The following CPD variants were observed in gnomAD, a reference collection of about 807,000 sequenced individuals.
CPD encodes the protein carboxypeptidase D.
In CPD, 69 loss-of-function variants were observed where a neutral mutation model predicts 138.3. The ratio of observed to expected loss-of-function variants is 0.50; its 90% CI spans 0.41 to 0.61. The LOEUF is 0.61. Among genes scored for constraint, CPD ranks in the 20% least tolerant of loss-of-function variants. The pLI is 0.00. For synonymous variants in CPD, 651 were observed against 642.1 expected (o/e 1.01, Z -0.21); for missense variants, 1,432 against 1,733.3 (o/e 0.83, Z 3.09).
intron 14 of CPD, among the ~76,000 whole-genome samples, chr17:30,452,096 T>C (rs1011938257): frequency 6.6e-5 from 10 of 152,252 alleles, no homozygotes; most frequent in Non-Finnish European, 1.2e-4. Context: ...TCACTAGTTG[T>C]GTAGAGATGT....
At chr17:30,411,960 A>G (rs2143386952) in intron 2 of CPD, among the ~76,000 whole-genome samples, 1 of 152,248 alleles carries the variant, frequency 6.6e-6, no homozygotes, top group Non-Finnish European at 1.5e-5. Flanking sequence ...TGGAATTTTC[A>G]GCTTTTCAGC....
intron 7 of CPD, among the ~76,000 whole-genome samples, chr17:30,430,294 C>T (rs1912528407): frequency 6.6e-6 from 1 of 152,076 alleles, no homozygotes; most frequent in Non-Finnish European, 1.5e-5. Flanking sequence ...CTCCCCTTTC[C>T]CTTCTCCCCT....
chr17:30,406,198 G>A (rs924872106), intron 2 of CPD, among the ~76,000 whole-genome samples: 2 of 151,918 alleles, frequency 1.3e-5, no homozygotes, highest in African/African-American at 4.8e-5. Context: ...GGGACTGTAT[G>A]TCAGGATTCA....
intron 2 of CPD, among the ~76,000 whole-genome samples, chr17:30,394,990 G>A (rs1459107939): frequency 1.3e-5 from 2 of 151,982 alleles, no homozygotes; most frequent in South Asian, 2.1e-4. Context: ...CTAGTCACAA[G>A]TACCCAATGG....
At chr17:30,444,047 C>T (rs1027229076) in intron 11 of CPD, 76 bp downstream of exon 11, 21 of 1,477,868 alleles carry the variant, frequency 1.4e-5, no homozygotes, top group African/African-American at 4.2e-5. Context: ...ATTACTAGAA[C>T]GTTCTAGAGA....
chr17:30,416,868 T>G (rs1211836780), intron 2 of CPD, among the ~76,000 whole-genome samples: 1 of 152,030 alleles, frequency 6.6e-6, no homozygotes, highest in African/African-American at 2.4e-5. Flanking sequence ...TTTGGGAGGC[T>G]GAGGCGGGTG....
At chr17:30,449,172 A>G (rs1913103124) in intron 12 of CPD, among the ~76,000 whole-genome samples, 1 of 152,130 alleles carries the variant, frequency 6.6e-6, no homozygotes. Flanking sequence ...ATCTATGTTC[A>G]TACATACTTA....
intron 12 of CPD, among the ~76,000 whole-genome samples, chr17:30,448,023 T>C (rs1327927253): frequency 6.6e-6 from 1 of 152,218 alleles, no homozygotes; most frequent in African/African-American, 2.4e-5. Flanking sequence ...TTTAATTTCA[T>C]CAGAAAACTT....
Position 30,421,650 on chromosome 17 carries a change from T to C in CPD, c.1138-14T>C, listed in dbSNP as rs775394582. On this transcript the variant is annotated splice_polypyrimidine_tract_variant and intron_variant, in intron 3 of 20. Transcript: ENST00000225719. ...AAATTCACCGTCTCTGAGCTTGGAT[T>C]CTTGTCTTCTTAGGTTCACATTGGA... The C allele has an allele frequency of 2.9e-5, 47 of 1,612,746 alleles. No homozygotes were observed. Among genetic ancestry groups the C allele is most frequent in the Non-Finnish European group, 3.9e-5 (46 of 1,179,352 alleles).
intron 10 of CPD, among the ~76,000 whole-genome samples, chr17:30,442,905 A>G (rs886747190): frequency 6.6e-5 from 10 of 152,130 alleles, no homozygotes; most frequent in African/African-American, 2.4e-4. Flanking sequence ...TAAAGATTAT[A>G]AGAAATATAC....
intron 2 of CPD, among the ~76,000 whole-genome samples, chr17:30,396,349 C>CT (rs1482713229): frequency 2.6e-5 from 4 of 151,718 alleles, no homozygotes; most frequent in Admixed American, 2.6e-4. Flanking sequence ...CAGTTTGACA[C>CT]TTTATAGTTG....
Position 30,422,874 on chromosome 17 carries a change from A to G in CPD, c.1508A>G (p.His503Arg). The G allele has an allele frequency of 6.2e-7, 1 of 1,614,070 alleles. No individual in the cohort carries two copies. Among genetic ancestry groups the G allele is most frequent in the East Asian group, 2.2e-5 (1 of 44,870 alleles). Reference sequence around the variant, plus strand: ...CCAATTCAGCCAAAGGACTTTCACCACCACCATTTCCCTGATATGGAAATC... The same window carrying G: ...CCAATTCAGCCAAAGGACTTTCACCGCCACCATTTCCCTGATATGGAAATC... ...YQPIQPKDFH[H>R]HHFPDMEIFL... The change falls in exon 5 of 21, where the codon CAC (histidine) becomes CGC (arginine). Residue 503 changes from histidine (H) to arginine (R), a missense_variant. His to Arg is a conservative substitution (Grantham distance 29). This residue lies in a region of CPD where 160 missense variants were observed against 197.9 expected (regional missense o/e 0.81). Transcript: ENST00000225719.
intron 14 of CPD, chr17:30,455,066 C>G (rs555002822): frequency 4.3e-6 from 1 of 232,520 alleles, no homozygotes; most frequent in East Asian, 9.8e-5. Flanking sequence ...GCTGGATATG[C>G]TTATTCTTTT....
intron 2 of CPD, among the ~76,000 whole-genome samples, chr17:30,385,504 G>GCACACACACACACACACACGCA (rs1376846568): frequency 1.4e-5 from 2 of 144,346 alleles, no homozygotes; most frequent in Non-Finnish European, 3.1e-5. Context: ...GTATGTGCAT[G>GCACACACACACACACACACGCA]CACACACACA....
rs1912448581 is a variant in CPD, at chr17:30,427,491, A to G, written c.1950A>G (p.Pro650=). Reference sequence around the variant, plus strand: ...TTCAGATCACAGATCCTACGCAACCAGAAACTATTGCTGTAATGAGCTGGA... The same window carrying G: ...TTCAGATCACAGATCCTACGCAACCGGAAACTATTGCTGTAATGAGCTGGA... ...QFVQITDPTQ[P]ETIAVMSWMK... The change falls in exon 7 of 21, where the codon CCA becomes CCG. Residue 650 remains proline, a synonymous_variant. Transcript: ENST00000225719. 3 of 1,614,182 alleles carry G rather than the reference A, an allele frequency of 1.9e-6. No homozygotes were observed. The highest frequency in any genetic ancestry group is 2.5e-6 in the Non-Finnish European group (3 of 1,180,016).
Position 30,449,669 on chromosome 17 carries a change from C to T in CPD, c.2990C>T (p.Ala997Val), listed in dbSNP as rs1449268016. Residue 997 changes from alanine (A) to valine (V), a missense_variant, in exon 13 of 21, where the codon GCG (alanine) becomes GTG (valine). By Grantham distance (64) the Ala-to-Val change is moderately conservative. Coordinates refer to ENST00000225719, the MANE Select transcript of CPD (RefSeq NM_001304.5). Reference protein sequence around the residue: ...IRFVAGIHGNAPVGTELLLAL... With the variant: ...IRFVAGIHGNVPVGTELLLAL... ...TTTGTTGCTGGTATCCATGGAAATGCGCCAGTTGGAACTGAACTGCTTTTG... is the reference window on the plus strand; with the variant it reads ...TTTGTTGCTGGTATCCATGGAAATGTGCCAGTTGGAACTGAACTGCTTTTG... The T allele has an allele frequency of 2.5e-6, 4 of 1,607,458 alleles. No homozygotes were observed. The highest frequency in any genetic ancestry group is 1.3e-5 in the African/African-American group (1 of 74,430).
chr17:30,385,240 TGCAAA>T lies in CPD; in HGVS notation c.994+8_994+12del. 6.2e-7 allele frequency: 1 copy of T among 1,613,594 alleles called. No homozygotes were observed. Among genetic ancestry groups the T allele is most frequent in the Non-Finnish European group, 8.5e-7 (1 of 1,179,590 alleles). On this transcript the variant is annotated splice_donor_5th_base_variant and intron_variant, in intron 2 of 20. Coordinates refer to ENST00000225719, the MANE Select transcript of CPD (RefSeq NM_001304.5). ...GCACATTGGTATGATGTGGAAGGTATGCAAAGCATTGAGTTTGCTACATTTTCCCC... is the reference window on the plus strand; with the variant it reads ...GCACATTGGTATGATGTGGAAGGTATGCATTGAGTTTGCTACATTTTCCCC...
rs139485558 is a variant in CPD, at chr17:30,438,917, AT to A, written c.2128-49del. 7.8e-3 allele frequency: 7,848 copies of A among 1,007,102 alleles called. 6 individuals are homozygous for A. Among genetic ancestry groups the A allele is most frequent in the Non-Finnish European group, 8.8e-3 (6,093 of 692,202 alleles). The allele number at this position is 1,007,102 out of a possible 1,614,324, so 62.4% of individuals were successfully genotyped here. ...TATTATTTTCCTGTATCTTTCCAGT[AT>A]TTTTTTTTGATGGAGATACAAACAA... is the stretch of plus-strand genomic sequence containing the variant. On this transcript the variant is annotated intron_variant, in intron 8 of 20. Coordinates refer to ENST00000225719, the MANE Select transcript of CPD (RefSeq NM_001304.5).
Position 30,379,133 on chromosome 17 carries a change from C to G in CPD, c.153C>G (p.Ala51=), listed in dbSNP as rs577254494. The change falls in exon 1 of 21, where the codon GCC becomes GCG. Residue 51 remains alanine (A), a synonymous_variant. Coordinates refer to ENST00000225719, the MANE Select transcript of CPD (RefSeq NM_001304.5). This position sits in a 1 kb window ranked among gnomAD's most constrained non-coding sequence, Gnocchi z 7.0. ...CTACGAGCGCGGGCGCCGAGGCGGCCGAGGGCCAGTTCGACCGCTACTACC... is the reference window on the plus strand; with the variant it reads ...CTACGAGCGCGGGCGCCGAGGCGGCGGAGGGCCAGTTCGACCGCTACTACC... ...TTTTSAGAEA[A]EGQFDRYYHE... is the part of the protein sequence containing the mutation. The G allele has an allele frequency of 1.9e-6, 3 of 1,538,620 alleles. No individual in the cohort carries two copies. Among genetic ancestry groups the G allele is most frequent in the African/African-American group, 1.4e-5 (1 of 71,000 alleles).
Sources: allele counts gnomAD v4.1 joint callset (sites outside exome capture counted in the v4.1 genomes callset), GRCh38; gene constraint gnomAD v4.1.1; regional missense constraint gnomAD v4.1.1; non-coding constraint Gnocchi (gnomAD v3.1); transcripts MANE v1.5; gene names NCBI Gene and HGNC (gene_info 2026-07-23, HGNC 2026-07-21).